The following ZNF34 variants were observed in gnomAD, a reference collection of about 807,000 sequenced individuals.
ZNF34 encodes zinc finger protein 34 (KOX 32).
ZNF34 carries 8 observed loss-of-function variants against 14.4 expected under a neutral mutation model. The observed-to-expected ratio is 0.55, with a 90% CI of 0.33 to 1.00. The LOEUF is 1.00. ZNF34 is among the 50% of genes least tolerant of loss of function. The pLI, the probability that ZNF34 is intolerant of heterozygous loss-of-function variation, is 0.03. For missense variants in ZNF34, 538 were observed against 674.2 expected (o/e 0.80, Z 2.24); for synonymous variants, 235 against 247.9 (o/e 0.95, Z 0.49).
At position 144,778,442 on chromosome 8, in the gene ZNF34, G is replaced by T. The variant is rs773344851; in HGVS notation, c.30C>A (p.Pro10=). MAALFLSAP[P]QAEVTFEDVA... ...TCCCAGGAGGACAGACACTCACCTG[G>T]GGTGGGGCAGACAGGAACAAGGCCG... is the stretch of plus-strand genomic sequence containing the variant. The change falls in exon 3 of 6, where the codon CCC becomes CCA. Residue 10 remains proline, a synonymous_variant. Coordinates refer to ENST00000429371, the MANE Select transcript of ZNF34 (RefSeq NM_001286769.2). 1.9e-6 allele frequency: 3 copies of T among 1,577,694 alleles called. No homozygotes were observed. The highest frequency in any genetic ancestry group is 2.6e-6 in the Non-Finnish European group (3 of 1,162,254).
chr8:144,775,872 C>T (rs1825482438), intron 5 of ZNF34, among the ~76,000 whole-genome samples: 2 of 152,248 alleles, frequency 1.3e-5, no homozygotes, highest in African/African-American at 4.8e-5. Context: ...GCAGTTCCTT[C>T]CTCAGACACC....
At position 144,779,178 on chromosome 8, in the gene ZNF34, G is replaced by A. The variant is rs1178016095; in HGVS notation, c.-54-653C>T. 6.6e-6 allele frequency among the ~76,000 whole-genome samples: 1 copy of A among 152,122 alleles called. No individual in the cohort carries two copies. Among genetic ancestry groups the A allele is most frequent in the Non-Finnish European group, 1.5e-5 (1 of 68,014 alleles). On this transcript the variant is annotated intron_variant, in intron 2 of 5. Transcript: ENST00000429371. The surrounding 1 kb of genome is among the most constrained non-coding windows in gnomAD (Gnocchi z 4.1). ...TGGCTTGGATGGAATCCAGGGCTCA[G>A]GGCACAAAACCCTCATGGCCTCTGG...
At chr8:144,785,066 A>T (rs1449892305) in intron 1 of ZNF34, among the ~76,000 whole-genome samples, 2 of 148,568 alleles carry the variant, frequency 1.3e-5, no homozygotes, top group Non-Finnish European at 3.0e-5. Context: ...GCAGGGAGCC[A>T]AGATGGTGTC....
At position 144,780,243 on chromosome 8, in the gene ZNF34, G is replaced by A; in HGVS notation, c.-70C>T. On this transcript the variant is annotated 5_prime_UTR_variant, in exon 2 of 6. Coordinates refer to ENST00000429371, the MANE Select transcript of ZNF34 (RefSeq NM_001286769.2). ...ATTGACTCACCTACCAGAAGCATGAGACTCTCGGATTAGATACATGTGATG... is the reference window on the plus strand; with the variant it reads ...ATTGACTCACCTACCAGAAGCATGAAACTCTCGGATTAGATACATGTGATG... The A allele has an allele frequency of 6.5e-7, 1 of 1,549,944 alleles. No individual in the cohort carries two copies. Among genetic ancestry groups the A allele is most frequent in the Non-Finnish European group, 8.7e-7 (1 of 1,145,820 alleles).
At chr8:144,783,978 G>A (rs1826061974) in intron 1 of ZNF34, among the ~76,000 whole-genome samples, 1 of 152,082 alleles carries the variant, frequency 6.6e-6, no homozygotes, top group Non-Finnish European at 1.5e-5. Context: ...TGGCTAACAT[G>A]GTGAAACCCC....
Position 144,777,531 on chromosome 8 carries a change from C to G in ZNF34, c.207G>C (p.Glu69Asp). 2 of 1,554,250 alleles carry G rather than the reference C, an allele frequency of 1.3e-6. No homozygotes were observed. Among genetic ancestry groups the G allele is most frequent in the Non-Finnish European group, 1.7e-6 (2 of 1,148,454 alleles). ...CCAGGACCCAGGGCTCATCCCCTCG[C>G]TCCAACTGCGAGATCACTCCAGGCT... is the stretch of plus-strand genomic sequence containing the variant. ...GPKPGVISQLERGDEPWVLDV... is the reference protein window; with the variant it reads ...GPKPGVISQLDRGDEPWVLDV... The change falls in exon 5 of 6, where the codon GAG becomes GAC. Residue 69 changes from glutamate to aspartate, a missense_variant. This residue lies in a region of ZNF34 where 431 missense variants were observed against 525.7 expected (regional missense o/e 0.82). Transcript: ENST00000429371. The surrounding 1 kb of genome is among the most constrained non-coding windows in gnomAD (Gnocchi z 4.8).
chr8:144,773,106 T>A lies in ZNF34; in HGVS notation c.*160A>T. ...TGTCTCAATTTCTCTAAAATGAACA[T>A]GCACTGCTTTTGATTTAAGAAAAGA... On this transcript the variant is annotated 3_prime_UTR_variant, in exon 6 of 6. Transcript: ENST00000429371. The surrounding 1 kb of genome is among the most constrained non-coding windows in gnomAD (Gnocchi z 5.4). 1 of 765,038 alleles carries A rather than the reference T, an allele frequency of 1.3e-6. No individual in the cohort carries two copies. Among genetic ancestry groups the A allele is most frequent in the Non-Finnish European group, 1.9e-6 (1 of 519,226 alleles). The allele number at this position is 765,038 out of a possible 1,614,324, so 47.4% of individuals were successfully genotyped here.
intron 5 of ZNF34, among the ~76,000 whole-genome samples, chr8:144,776,186 C>T (rs925473472): frequency 1.3e-5 from 2 of 151,908 alleles, no homozygotes; most frequent in African/African-American, 4.8e-5. Context: ...GTGGCGTGCA[C>T]CTGTAGTCCC....
intron 1 of ZNF34, among the ~76,000 whole-genome samples, chr8:144,783,797 A>T (rs1826044527): frequency 6.6e-6 from 1 of 152,250 alleles, no homozygotes. Flanking sequence ...ATTATAATAA[A>T]CATTTCAACA....
intron 5 of ZNF34, 150 bp from the exon 6 acceptor site, chr8:144,774,755 T>C (rs1470993474): frequency 1.1e-6 from 1 of 890,426 alleles, no homozygotes; most frequent in East Asian, 2.4e-5. Context: ...CTCAGAGGCT[T>C]ATGCAGCTCA....
At chr8:144,785,122 A>G (rs968670885) in intron 1 of ZNF34, among the ~76,000 whole-genome samples, 37 of 151,770 alleles carry the variant, frequency 2.4e-4, no homozygotes, top group Non-Finnish European at 4.4e-4. Context: ...AAAAAAAAAA[A>G]AAAAAAAGAA....
chr8:144,783,140 G>A (rs966277719), intron 1 of ZNF34, among the ~76,000 whole-genome samples: 6 of 151,946 alleles, frequency 3.9e-5, no homozygotes, highest in Non-Finnish European at 8.8e-5. Flanking sequence ...AATTAGCACG[G>A]ATTGGTGGCA....
intron 1 of ZNF34, among the ~76,000 whole-genome samples, chr8:144,780,508 C>G (rs978723090): frequency 3.9e-5 from 6 of 152,220 alleles, no homozygotes; most frequent in Non-Finnish European, 7.3e-5. Context: ...ACAGAACTGG[C>G]CGGGTGTGGT....
chr8:144,774,701 C>G (rs930137221), intron 5 of ZNF34, 96 bp from the exon 6 acceptor site: 1 of 1,445,538 alleles, frequency 6.9e-7, no homozygotes, highest in African/African-American at 1.4e-5. Flanking sequence ...CCAATTTGAT[C>G]ATCTCCAAAG....
chr8:144,773,437 T>C lies in ZNF34; in HGVS notation c.1449A>G (p.Arg483=). 1 of 1,613,712 alleles carries C rather than the reference T, an allele frequency of 6.2e-7. No individual in the cohort carries two copies. Among genetic ancestry groups the C allele is most frequent in the Non-Finnish European group, 8.5e-7 (1 of 1,179,958 alleles). ...QRLHHGEKPY[R]CSDCKKAFSQ... ...TGAAGGCTTTCTTGCAATCGCTGCA[T>C]CTGTAGGGTTTCTCTCCGTGGTGCA... is the stretch of plus-strand genomic sequence containing the variant. The change falls in exon 6 of 6, where the codon AGA becomes AGG. Residue 483 remains arginine (R), a synonymous_variant. Coordinates refer to ENST00000429371, the MANE Select transcript of ZNF34 (RefSeq NM_001286769.2). This position sits in a 1 kb window ranked among gnomAD's most constrained non-coding sequence, Gnocchi z 5.4.
At chr8:144,775,851 C>A (rs1036327805) in intron 5 of ZNF34, among the ~76,000 whole-genome samples, 2 of 149,944 alleles carry the variant, frequency 1.3e-5, no homozygotes, top group African/African-American at 4.9e-5. Context: ...AATAAGAAGT[C>A]CTTTGAGCCA....
rs1825298679 is a variant in ZNF34, at chr8:144,773,573, C to T, written c.1313G>A (p.Ser438Asn). Residue 438 changes from serine to asparagine, a missense_variant, in exon 6 of 6, where the codon AGC (serine) becomes AAC (asparagine). By Grantham distance (46) the Ser-to-Asn change is conservative. This residue lies in a region of ZNF34 where 6 missense variants were observed against 25.4 expected (regional missense o/e 0.24). Coordinates refer to ENST00000429371, the MANE Select transcript of ZNF34 (RefSeq NM_001286769.2). The surrounding 1 kb of genome is among the most constrained non-coding windows in gnomAD (Gnocchi z 5.4). ...TCTCTGGTGCTGGATGAGGTGTGTGCTTTGGCTGAAAACTTTGCCACAGTC... is the reference window on the plus strand; with the variant it reads ...TCTCTGGTGCTGGATGAGGTGTGTGTTTTGGCTGAAAACTTTGCCACAGTC... ...CNDCGKVFSQ[S>N]THLIQHQRIH... 1.2e-6 allele frequency: 2 copies of T among 1,613,946 alleles called. No homozygotes were observed. Among genetic ancestry groups the T allele is most frequent in the Non-Finnish European group, 1.7e-6 (2 of 1,179,990 alleles).
In ZNF34 at chr8:144,773,054, C is replaced by A; in HGVS notation, c.*212G>T. On this transcript the variant is annotated 3_prime_UTR_variant, in exon 6 of 6. Transcript: ENST00000429371. The surrounding 1 kb of genome is among the most constrained non-coding windows in gnomAD (Gnocchi z 5.4). ...TTTTTTTTCTAAGTGGGAGAGATCA[C>A]AGAAGCTTCTTTTTTGCCCACTTTT... 1.9e-6 allele frequency: 1 copy of A among 515,864 alleles called. No individual in the cohort carries two copies. The highest frequency in any genetic ancestry group is 3.3e-6 in the Non-Finnish European group (1 of 307,024). The allele number at this position is 515,864 out of a possible 1,614,324, so 32.0% of individuals were successfully genotyped here.
At chr8:144,787,134 TCGAACAGG>T (rs1264589980) in intron 1 of ZNF34, 137 bp downstream of exon 1, 2 of 151,990 alleles carry the variant, frequency 1.3e-5, no homozygotes, top group Admixed American at 1.3e-4. Context: ...GGGGGGTCCC[TCGAACAGG>T]AAGTGCCGCT....
Sources: gnomAD v4.1 joint callset for allele counts (sites outside exome capture counted in the v4.1 genomes callset) on GRCh38, gnomAD v4.1.1 for gene constraint, gnomAD v4.1.1 regional missense constraint, Gnocchi (gnomAD v3.1) non-coding constraint, MANE v1.5 for transcripts, NCBI Gene and HGNC (gene_info 2026-07-23, HGNC 2026-07-21) for gene names.